Variants in DDR2 observed in about 807,000 individuals in gnomAD.
DDR2 encodes discoidin domain-containing receptor 2.
DDR2 carries 27 observed loss-of-function variants against 94.9 expected under a neutral mutation model. The observed-to-expected ratio is 0.28, with a 90% CI of 0.21 to 0.39. The LOEUF (loss-of-function observed/expected upper bound fraction) is 0.39, where lower values mean the gene tolerates loss of function less well. Ranked by LOEUF, DDR2 falls within the 10% of genes least tolerant of loss-of-function variation. The probability of loss-of-function intolerance (pLI) is 1.00; values close to 1 mark genes in which losing one functional copy is unlikely to be tolerated. For synonymous variants in DDR2, 382 were observed against 377.2 expected (o/e 1.01, Z -0.15); for missense variants, 783 against 1,076.0 (o/e 0.73, Z 3.81).
intron 7 of DDR2, among the ~76,000 whole-genome samples, chr1:162,757,113 A>G (rs964657602): frequency 6.6e-6 from 1 of 152,242 alleles, no homozygotes; most frequent in Non-Finnish European, 1.5e-5. Flanking sequence ...AAAGTAAACT[A>G]TAGTAGGAAA....
intron 2 of DDR2, among the ~76,000 whole-genome samples, chr1:162,684,526 T>C (rs565343510): frequency 3.7e-4 from 57 of 152,280 alleles, no homozygotes; most frequent in African/African-American, 1.3e-3. Context: ...ATGGGACTCA[T>C]TCTTGCAGAA....
chr1:162,709,542 C>T (rs1046839621), intron 2 of DDR2, among the ~76,000 whole-genome samples: 4 of 152,054 alleles, frequency 2.6e-5, no homozygotes, highest in Admixed American at 1.3e-4. Flanking sequence ...AGGTTTTTAC[C>T]GTATGGTTCT....
At chr1:162,733,567 G>A (rs895637866) in intron 3 of DDR2, among the ~76,000 whole-genome samples, 9 of 152,106 alleles carry the variant, frequency 5.9e-5, no homozygotes, top group Non-Finnish European at 1.3e-4. Flanking sequence ...TCTCTGAATT[G>A]TCTATCCTCA....
At chr1:162,726,292 ATTAT>A (rs1461072518) in intron 3 of DDR2, among the ~76,000 whole-genome samples, 1 of 152,148 alleles carries the variant, frequency 6.6e-6, no homozygotes, top group Non-Finnish European at 1.5e-5. Context: ...TCATTAATTA[ATTAT>A]TTAACTTAAT....
intron 1 of DDR2, among the ~76,000 whole-genome samples, chr1:162,633,802 A>C (rs1656677662): frequency 6.6e-6 from 1 of 152,172 alleles, no homozygotes; most frequent in Non-Finnish European, 1.5e-5. Flanking sequence ...AAATAAAAAG[A>C]AGCTAAATTC....
At position 162,700,402 on chromosome 1, in the gene DDR2, A is replaced by G. The variant is rs547711567; in HGVS notation, c.-27-18635A>G. Reference sequence around the variant, plus strand: ...AGTTTTGTATGCCACATCCCTTTTCAGGGAGCTAGGTCAAGGACATCATGC... The same window carrying G: ...AGTTTTGTATGCCACATCCCTTTTCGGGGAGCTAGGTCAAGGACATCATGC... On this transcript the variant is annotated intron_variant, in intron 2 of 17. Coordinates refer to ENST00000367921, the MANE Select transcript of DDR2 (RefSeq NM_006182.4). Among the ~76,000 whole-genome samples, 14 of 152,232 alleles carry G rather than the reference A, an allele frequency of 9.2e-5. No individual in the cohort carries two copies. In the South Asian group the frequency reaches 2.3e-3, roughly 25 times the overall value.
chr1:162,718,906 A>G, intron 2 of DDR2, 131 bp from the exon 3 acceptor site: 2 of 844,768 alleles, frequency 2.4e-6, no homozygotes, highest in Non-Finnish European at 1.9e-6. Context: ...TCGAAGTCCC[A>G]TATATAAAAA....
At chr1:162,650,713 A>T (rs1426840242) in intron 1 of DDR2, among the ~76,000 whole-genome samples, 4 of 151,888 alleles carry the variant, frequency 2.6e-5, no homozygotes, top group Non-Finnish European at 5.9e-5. Flanking sequence ...GTCAATTCTC[A>T]ATCCTCTCCA....
At position 162,746,285 on chromosome 1, in the gene DDR2, C is replaced by A. The variant is rs536330591; in HGVS notation, c.83-6810C>A. Among the ~76,000 whole-genome samples, 87 of 152,300 alleles carry A rather than the reference C, an allele frequency of 5.7e-4. 1 individual carries two copies. The highest frequency in any genetic ancestry group is 1.9e-3 in the African/African-American group (80 of 41,570). On this transcript the variant is annotated intron_variant, in intron 3 of 17. Coordinates refer to ENST00000367921, the MANE Select transcript of DDR2 (RefSeq NM_006182.4). Reference sequence around the variant, plus strand: ...ACTCCCAGCCTAATACTGCGCTTTTCCAATGGTCTTAGCAAACGGCACACC... The same window carrying A: ...ACTCCCAGCCTAATACTGCGCTTTTACAATGGTCTTAGCAAACGGCACACC...
chr1:162,652,576 A>C (rs1022573235), intron 1 of DDR2, among the ~76,000 whole-genome samples: 2 of 152,232 alleles, frequency 1.3e-5, no homozygotes, highest in African/African-American at 2.4e-5. Flanking sequence ...ACATACGATC[A>C]GCCCCACAGC....
chr1:162,693,104 G>T (rs144872773), intron 2 of DDR2, among the ~76,000 whole-genome samples: 3 of 152,148 alleles, frequency 2.0e-5, no homozygotes, highest in Non-Finnish European at 4.4e-5. Context: ...TTTATATAAA[G>T]TTCAAAAACA....
intron 3 of DDR2, among the ~76,000 whole-genome samples, chr1:162,749,464 C>T (rs556194723): frequency 1.3e-5 from 2 of 151,974 alleles, no homozygotes; most frequent in African/African-American, 2.4e-5. Context: ...AGGAAGAAGT[C>T]GAATCCCTGA....
chr1:162,673,270 G>A (rs1319630108), intron 2 of DDR2, among the ~76,000 whole-genome samples: 1 of 152,066 alleles, frequency 6.6e-6, no homozygotes, highest in Admixed American at 6.6e-5. Flanking sequence ...GTTCAGAAAG[G>A]GTATGGGAAC....
rs534267373 is a variant in DDR2, at chr1:162,711,845, C to T, written c.-27-7192C>T. Among the ~76,000 whole-genome samples the T allele has an allele frequency of 8.0e-5, 12 of 150,878 alleles. No homozygotes were observed. In the East Asian group the frequency reaches 9.7e-4, roughly 12 times the overall value. ...TTATACACACACATGCACACATGTA[C>T]GTATATACATATATAATCTATCATG... On this transcript the variant is annotated intron_variant, in intron 2 of 17. Transcript: ENST00000367921.
At chr1:162,763,516 A>G (rs1447511987) in intron 9 of DDR2, among the ~76,000 whole-genome samples, 1 of 151,876 alleles carries the variant, frequency 6.6e-6, no homozygotes, top group Non-Finnish European at 1.5e-5. Context: ...TGCATTTTTA[A>G]GGGGGCTCTT....
At chr1:162,653,770 A>C (rs886249721) in intron 1 of DDR2, among the ~76,000 whole-genome samples, 7 of 152,128 alleles carry the variant, frequency 4.6e-5, no homozygotes, top group Admixed American at 3.9e-4. Flanking sequence ...CCCAAGTAGA[A>C]AAGGGCAGAA....
At chr1:162,669,563 A>G (rs1472839172) in intron 2 of DDR2, among the ~76,000 whole-genome samples, 1 of 152,228 alleles carries the variant, frequency 6.6e-6, no homozygotes, top group Non-Finnish European at 1.5e-5. Flanking sequence ...TGTATCAGCA[A>G]CAATAACATT....
chr1:162,718,711 T>C (rs1558044004), intron 2 of DDR2, among the ~76,000 whole-genome samples: 1 of 152,230 alleles, frequency 6.6e-6, no homozygotes, highest in Non-Finnish European at 1.5e-5. Flanking sequence ...TCAGTTTACA[T>C]GATAAATATA....
rs1176971781 is a variant in DDR2, at chr1:162,755,166, G to A, written c.428G>A (p.Gly143Glu). 1.2e-6 allele frequency: 2 copies of A among 1,613,906 alleles called. No individual in the cohort carries two copies. The highest frequency in any genetic ancestry group is 1.7e-6 in the Non-Finnish European group (2 of 1,179,990). The change falls in exon 6 of 18, where the codon GGA becomes GAA. Residue 143 changes from glycine (G) to glutamate (E), a missense_variant. Coordinates refer to ENST00000367921, the MANE Select transcript of DDR2 (RefSeq NM_006182.4). Reference sequence around the variant, plus strand: ...CTTCTCTCTCCTCAGGTGCTGGATGGAAATAGTAACCCCTATGACATTTTC... The same window carrying A: ...CTTCTCTCTCCTCAGGTGCTGGATGAAAATAGTAACCCCTATGACATTTTC... Reference protein sequence around the residue: ...RNRHGKQVLDGNSNPYDIFLK... With the variant: ...RNRHGKQVLDENSNPYDIFLK...
Sources: gnomAD v4.1 joint callset for allele counts (sites outside exome capture counted in the v4.1 genomes callset) on GRCh38, gnomAD v4.1.1 for gene constraint, MANE v1.5 for transcripts, NCBI Gene and HGNC (gene_info 2026-07-23, HGNC 2026-07-21) for gene names.